The following TBC1D10B variants were observed in gnomAD, a reference collection of about 807,000 sequenced individuals.
The protein encoded by TBC1D10B is Rab27A-GAPbeta.
In TBC1D10B, 25 loss-of-function variants were observed where a neutral mutation model predicts 78.4. That is an observed-to-expected ratio of 0.32 (90% CI 0.23 to 0.45). The LOEUF (loss-of-function observed/expected upper bound fraction) is 0.45, where lower values mean the gene tolerates loss of function less well. Ranked by LOEUF, TBC1D10B falls within the 20% of genes least tolerant of loss-of-function variation. The pLI is 1.00. For missense variants in TBC1D10B, 996 were observed against 1,104.8 expected (o/e 0.90, Z 1.40); for synonymous variants, 517 against 478.0 (o/e 1.08, Z -1.06).
intron 4 of TBC1D10B, among the ~76,000 whole-genome samples, chr16:30,361,829 G>C (rs1034818370): frequency 8.6e-5 from 13 of 151,546 alleles, no homozygotes; most frequent in African/African-American, 3.2e-4. Context: ...GGGATTACAG[G>C]CACCTGCCAC....
Position 30,358,625 on chromosome 16 carries a change from T to C in TBC1D10B, c.1797+38A>G, listed in dbSNP as rs752712790. 4.4e-6 allele frequency: 7 copies of C among 1,589,368 alleles called. No homozygotes were observed. The East Asian group carries it at 1.4e-4, about 31-fold the overall frequency. ...AATGGAGCTGAGGGTGGGAGCGGGC[T>C]GAGGCAGGCAGGGGCTGCGTTGAGG... On this transcript the variant is annotated intron_variant, in intron 8 of 8. Coordinates refer to ENST00000409939, the MANE Select transcript of TBC1D10B (RefSeq NM_015527.4).
Position 30,365,419 on chromosome 16 carries a change from C to T in TBC1D10B, c.1056+76G>A, listed in dbSNP as rs1437383998. The T allele has an allele frequency of 1.3e-6, 2 of 1,548,790 alleles. No homozygotes were observed. Among genetic ancestry groups the T allele is most frequent in the African/African-American group, 2.7e-5 (2 of 73,544 alleles). On this transcript the variant is annotated intron_variant, in intron 2 of 8. Coordinates refer to ENST00000409939, the MANE Select transcript of TBC1D10B (RefSeq NM_015527.4). This position sits in a 1 kb window ranked among gnomAD's most constrained non-coding sequence, Gnocchi z 5.0. Reference sequence around the variant, plus strand: ...TGGTCCAGAGGGCAGATATTATCGGCTTCCTGGGCTTCCCTGGAGCACATG... The same window carrying T: ...TGGTCCAGAGGGCAGATATTATCGGTTTCCTGGGCTTCCCTGGAGCACATG...
At chr16:30,361,711 CTGT>C (rs1444135308) in intron 4 of TBC1D10B, among the ~76,000 whole-genome samples, 1 of 149,616 alleles carries the variant, frequency 6.7e-6, no homozygotes, top group Non-Finnish European at 1.5e-5. Context: ...AGCCACAAAA[CTGT>C]TTTTTTTTTC....
Position 30,369,910 on chromosome 16 carries a change from G to C in TBC1D10B, c.274C>G (p.Leu92Val), listed in dbSNP as rs2049672503. The C allele has an allele frequency of 7.3e-7, 1 of 1,369,366 alleles. No homozygotes were observed. The highest frequency in any genetic ancestry group is 9.4e-7 in the Non-Finnish European group (1 of 1,064,782). The allele number at this position is 1,369,366 out of a possible 1,614,324, so 84.8% of individuals were successfully genotyped here. ...PAVTGSTVVV[L>V]TLEASPEAPK... is the part of the protein sequence containing the mutation. Reference sequence around the variant, plus strand: ...GCTTCGGGCGAGGCCTCCAGGGTCAGCACCACCACCGTGCTGCCCGTGACA... The same window carrying C: ...GCTTCGGGCGAGGCCTCCAGGGTCACCACCACCACCGTGCTGCCCGTGACA... The change falls in exon 1 of 9, where the codon CTG (leucine) becomes GTG (valine). Residue 92 changes from leucine to valine, a missense_variant. This residue lies in a region of TBC1D10B where 448 missense variants were observed against 442.1 expected (regional missense o/e 1.01). Transcript: ENST00000409939. This position sits in a 1 kb window ranked among gnomAD's most constrained non-coding sequence, Gnocchi z 4.3.
Position 30,359,579 on chromosome 16 carries a change from T to C in TBC1D10B, c.1411A>G (p.Ile471Val). 1 of 1,563,094 alleles carries C rather than the reference T, an allele frequency of 6.4e-7. No individual in the cohort carries two copies. The highest frequency in any genetic ancestry group is 8.7e-7 in the Non-Finnish European group (1 of 1,153,828). ...TAACCTGGGAGGTACTTGTCGCAGA[T>C]CTGCACCAGGCACCAAAAGGCTTGC... is the stretch of plus-strand genomic sequence containing the variant. ...AEQAFWCLVQ[I>V]CDKYLPGYYS... The change falls in exon 6 of 9, where the codon ATC (isoleucine) becomes GTC (valine). Residue 471 changes from isoleucine to valine, a missense_variant. Physicochemically the swap from Ile to Val is conservative, Grantham distance 29. Around this residue, in one of 5 missense-constraint regions of TBC1D10B, gnomAD observed 168 missense variants for 238.7 expected, o/e 0.70. Transcript: ENST00000409939.
Position 30,365,446 on chromosome 16 carries a change from T to C in TBC1D10B, c.1056+49A>G. 1 of 1,601,402 alleles carries C rather than the reference T, an allele frequency of 6.2e-7. No homozygotes were observed. Among genetic ancestry groups the C allele is most frequent in the Non-Finnish European group, 8.6e-7 (1 of 1,168,488 alleles). On this transcript the variant is annotated intron_variant, in intron 2 of 8. Transcript: ENST00000409939. The surrounding 1 kb of genome is among the most constrained non-coding windows in gnomAD (Gnocchi z 5.0). Reference sequence around the variant, plus strand: ...TCCTGGGCTTCCCTGGAGCACATGCTACCCCTCCCAACTTGTGCATTGCCC... The same window carrying C: ...TCCTGGGCTTCCCTGGAGCACATGCCACCCCTCCCAACTTGTGCATTGCCC...
chr16:30,360,176 CTT>C (rs2049590343), intron 4 of TBC1D10B: 2 of 243,474 alleles, frequency 8.2e-6, no homozygotes, highest in Admixed American at 1.0e-4. Context: ...CACTAAATGT[CTT>C]TGTCACCCCA....
At chr16:30,367,490 AATG>A (rs2049645791) in intron 1 of TBC1D10B, 1 of 152,244 alleles carries the variant, frequency 6.6e-6, no homozygotes, top group African/African-American at 2.4e-5. Context: ...TGGGAAATGC[AATG>A]ACAAAGATGC....
chr16:30,360,880 C>T (rs764547565), intron 4 of TBC1D10B, among the ~76,000 whole-genome samples: 4 of 151,994 alleles, frequency 2.6e-5, no homozygotes, highest in South Asian at 2.1e-4. Context: ...TCCCCTCTCG[C>T]GTGTACAGGC....
In TBC1D10B at chr16:30,365,313, C is replaced by A; in HGVS notation, c.1057-101G>T. 7.9e-7 allele frequency: 1 copy of A among 1,264,610 alleles called. No individual in the cohort carries two copies. Among genetic ancestry groups the A allele is most frequent in the East Asian group, 2.4e-5 (1 of 42,066 alleles). The allele number at this position is 1,264,610 out of a possible 1,614,324, so 78.3% of individuals were successfully genotyped here. On this transcript the variant is annotated intron_variant, in intron 2 of 8. Coordinates refer to ENST00000409939, the MANE Select transcript of TBC1D10B (RefSeq NM_015527.4). The surrounding 1 kb of genome is among the most constrained non-coding windows in gnomAD (Gnocchi z 5.0). ...CTCCCTGGATACTCCTCCGACATCC[C>A]ATAGGCTTGATTCCACTGGACCTGG...
At chr16:30,360,008 G>C (rs1238266499) in intron 4 of TBC1D10B, 167 bp from the exon 5 acceptor site, 1 of 635,010 alleles carries the variant, frequency 1.6e-6, no homozygotes, top group Non-Finnish European at 2.7e-6. Context: ...GAGCACTCCA[G>C]GCCCCGGGGC....
chr16:30,365,699 G>T lies in TBC1D10B; in HGVS notation c.957-105C>A. 9.2e-7 allele frequency: 1 copy of T among 1,086,326 alleles called. No individual in the cohort carries two copies. Among genetic ancestry groups the T allele is most frequent in the Non-Finnish European group, 1.4e-6 (1 of 723,224 alleles). 67.3% of individuals were successfully genotyped at this position (1,086,326 alleles called of 1,614,324 possible). ...CCTCCCCAAGCTCAAACGAGAAACT[G>T]GATAGTCTGTGAGCTGCCAAACATC... On this transcript the variant is annotated intron_variant, in intron 1 of 8. Transcript: ENST00000409939. The surrounding 1 kb of genome is among the most constrained non-coding windows in gnomAD (Gnocchi z 5.0).
At position 30,357,909 on chromosome 16, in the gene TBC1D10B, G is replaced by T; in HGVS notation, c.*35C>A. 2 of 1,531,356 alleles carry T rather than the reference G, an allele frequency of 1.3e-6. No individual in the cohort carries two copies. The highest frequency in any genetic ancestry group is 2.4e-5 in the South Asian group (2 of 82,346). 94.9% of individuals were successfully genotyped at this position (1,531,356 alleles called of 1,614,324 possible). On this transcript the variant is annotated 3_prime_UTR_variant, in exon 9 of 9. Coordinates refer to ENST00000409939, the MANE Select transcript of TBC1D10B (RefSeq NM_015527.4). Reference sequence around the variant, plus strand: ...CAGGCCTGTTCTTGGCTGAGGGAAAGAGGGGGGCCATGCAGTCCAGCCCCA... The same window carrying T: ...CAGGCCTGTTCTTGGCTGAGGGAAATAGGGGGGCCATGCAGTCCAGCCCCA...
In TBC1D10B at chr16:30,369,884, G is replaced by A; in HGVS notation, c.300C>T (p.Ala100=). The A allele has an allele frequency of 7.2e-7, 1 of 1,395,200 alleles. No homozygotes were observed. Among genetic ancestry groups the A allele is most frequent in the Non-Finnish European group, 9.3e-7 (1 of 1,078,298 alleles). 86.4% of individuals were successfully genotyped at this position (1,395,200 alleles called of 1,614,324 possible). Residue 100 remains alanine (A), a synonymous_variant, in exon 1 of 9, where the codon GCC becomes GCT. Coordinates refer to ENST00000409939, the MANE Select transcript of TBC1D10B (RefSeq NM_015527.4). This position sits in a 1 kb window ranked among gnomAD's most constrained non-coding sequence, Gnocchi z 4.3. ...GGCCGGAGGGGAGCTGCGGCTTTGG[G>A]GCTTCGGGCGAGGCCTCCAGGGTCA... ...VVLTLEASPE[A]PKPQLPSGPE...
chr16:30,364,839 C>T, intron 4 of TBC1D10B, 61 bp downstream of exon 4: 1 of 1,476,328 alleles, frequency 6.8e-7, no homozygotes, highest in Non-Finnish European at 9.2e-7. Flanking sequence ...ATCCACCTAG[C>T]TAAAAGGTGG....
intron 1 of TBC1D10B, among the ~76,000 whole-genome samples, chr16:30,368,505 G>T (rs905703438): frequency 6.6e-6 from 1 of 152,130 alleles, no homozygotes; most frequent in Admixed American, 6.5e-5. Context: ...CAGGAACAAC[G>T]GGCAGGATCC....
intron 1 of TBC1D10B, chr16:30,367,077 TC>T (rs1391110293): frequency 6.6e-6 from 1 of 152,178 alleles, no homozygotes; most frequent in Non-Finnish European, 1.5e-5. Flanking sequence ...ATGTCTTCAA[TC>T]CGATACTCGG....
intron 7 of TBC1D10B, 21 bp downstream of exon 7, chr16:30,359,151 C>G (rs768430288): frequency 6.3e-7 from 1 of 1,596,280 alleles, no homozygotes; most frequent in African/African-American, 1.3e-5. Context: ...CCCCTCATGG[C>G]CTGGAGGGCC....
Position 30,358,174 on chromosome 16 carries a change from TCTC to T in TBC1D10B, c.2194_2196del (p.Glu732del). 6 of 1,551,970 alleles carry T rather than the reference TCTC, an allele frequency of 3.9e-6. No individual in the cohort carries two copies. The highest frequency in any genetic ancestry group is 1.4e-5 in the African/African-American group (1 of 73,180). Reference sequence around the variant, plus strand: ...TCCTTCTCCTGTTTCTGCCGCTCCTTCTCCTGTTTCTGCCGCTCCTTCTCCTGC... The same window carrying T: ...TCCTTCTCCTGTTTCTGCCGCTCCTTCTGTTTCTGCCGCTCCTTCTCCTGC... On this transcript the variant is annotated inframe_deletion, in exon 9 of 9. Coordinates refer to ENST00000409939, the MANE Select transcript of TBC1D10B (RefSeq NM_015527.4).
Sources: allele counts gnomAD v4.1 joint callset (sites outside exome capture counted in the v4.1 genomes callset), GRCh38; gene constraint gnomAD v4.1.1; regional missense constraint gnomAD v4.1.1; non-coding constraint Gnocchi (gnomAD v3.1); transcripts MANE v1.5; gene names NCBI Gene and HGNC (gene_info 2026-07-23, HGNC 2026-07-21).